SYTL4: variants seen among roughly 807,000 people sequenced by gnomAD.
The protein encoded by SYTL4 is synaptotagmin-like protein 4.
A neutral mutation model predicts 52.7 loss-of-function variants in SYTL4; 16 were observed. That is an observed-to-expected ratio of 0.30 (90% confidence interval 0.21 to 0.46). The LOEUF is 0.46. SYTL4 is among the 20% of genes least tolerant of loss of function. The pLI is 1.00. For synonymous variants in SYTL4, 160 were observed against 186.6 expected, an observed-to-expected ratio of 0.86 and a Z score of 1.16; for missense variants, 423 against 519.9, an observed-to-expected ratio of 0.81 and a Z score of 1.81.
intron 12 of SYTL4, 119 bp from the exon 13 acceptor site, chrX:100,688,562 T>TA: frequency 9.2e-5 from 43 of 466,855 alleles, no homozygotes; most frequent in Non-Finnish European, 1.2e-4. Context: ...CACACATACT[T>TA]CTTTTTTTTT....
intron 2 of SYTL4, among the ~76,000 whole-genome samples, chrX:100,726,516 T>A (rs1045485373): frequency 7.3e-5 from 8 of 108,938 alleles, no homozygotes; most frequent in African/African-American, 3.4e-5. Context: ...GATTGGTGAA[T>A]CCTCTTGTTT....
At chrX:100,679,491 C>T in intron 17 of SYTL4, 79 bp from the exon 18 acceptor site, 1 of 813,817 alleles carries the variant, frequency 1.2e-6, no homozygotes, top group East Asian at 3.2e-5. Context: ...GCAGCACTTT[C>T]TTTGCTTGCT....
At chrX:100,677,315 G>A (rs1293703604) in intron 19 of SYTL4, among the ~76,000 whole-genome samples, 1 of 111,872 alleles carries the variant, frequency 8.9e-6, no homozygotes, top group Non-Finnish European at 1.9e-5. Flanking sequence ...AGTGATACAA[G>A]ACGGATCAGA....
intron 17 of SYTL4, 135 bp from the exon 18 acceptor site, chrX:100,679,547 C>G: frequency 2.1e-6 from 1 of 476,626 alleles, no homozygotes; most frequent in Non-Finnish European, 3.7e-6. Flanking sequence ...TGTCCTGTCT[C>G]CTCAGTGCCT....
intron 8 of SYTL4, among the ~76,000 whole-genome samples, chrX:100,697,580 A>G (rs1316765358): frequency 8.9e-6 from 1 of 112,096 alleles, no homozygotes; most frequent in Non-Finnish European, 1.9e-5. Context: ...TAGGAAAACA[A>G]GTAGGTTTCA....
chrX:100,703,913 C>T (rs2083905959), intron 3 of SYTL4, among the ~76,000 whole-genome samples: 1 of 112,223 alleles, frequency 8.9e-6, no homozygotes, highest in Non-Finnish European at 1.9e-5. Flanking sequence ...AAGCCACTAT[C>T]ATTGGTTTCC....
intron 16 of SYTL4, among the ~76,000 whole-genome samples, chrX:100,682,379 T>C (rs1203259304): frequency 1.8e-5 from 2 of 109,984 alleles, no homozygotes; most frequent in African/African-American, 6.7e-5. Context: ...TTTTACAAGG[T>C]ATTTTTAAAA....
At chrX:100,676,797 T>C (rs1441903061) in intron 19 of SYTL4, among the ~76,000 whole-genome samples, 1 of 111,553 alleles carries the variant, frequency 9.0e-6, no homozygotes, top group Non-Finnish European at 1.9e-5. Context: ...CTTTTTTCTT[T>C]TAAAGCTAAA....
At chrX:100,683,665 T>C (rs1025232841) in intron 16 of SYTL4, among the ~76,000 whole-genome samples, 1 of 111,968 alleles carries the variant, frequency 8.9e-6, no homozygotes, top group South Asian at 3.7e-4. Flanking sequence ...AAACAACAAA[T>C]GTAGAAGTTA....
intron 16 of SYTL4, among the ~76,000 whole-genome samples, chrX:100,682,707 TC>T (rs1433080632): frequency 2.7e-5 from 3 of 109,412 alleles, no homozygotes; most frequent in African/African-American, 1.0e-4. Context: ...ACCCTGTCCC[TC>T]CCCCCAAAAA....
chrX:100,683,107 C>A (rs1312937785), intron 16 of SYTL4, among the ~76,000 whole-genome samples: 1 of 103,590 alleles, frequency 9.7e-6, no homozygotes, highest in African/African-American at 3.6e-5. Context: ...CTGGTGCAGA[C>A]TAGAGGTGCC....
At chrX:100,716,938 C>A (rs990089259) in intron 2 of SYTL4, among the ~76,000 whole-genome samples, 2 of 111,753 alleles carry the variant, frequency 1.8e-5, no homozygotes, top group Non-Finnish European at 3.8e-5. Context: ...GATTCAGACC[C>A]CAGCTCCCAT....
At position 100,679,352 on chromosome X, in the gene SYTL4, G is replaced by A; in HGVS notation, c.1619C>T (p.Ala540Val). The A allele has an allele frequency of 1.7e-6, 2 of 1,211,282 alleles. No homozygotes were observed. Among genetic ancestry groups the A allele is most frequent in the Non-Finnish European group, 2.2e-6 (2 of 895,203 alleles). The change falls in exon 18 of 20, where the codon GCT becomes GTT. Residue 540 changes from alanine (A) to valine (V), a missense_variant. Ala to Val is a moderately conservative substitution (Grantham distance 64). Coordinates refer to ENST00000372989, the MANE Select transcript of SYTL4 (RefSeq NM_001370165.1). ...VWIKEAKNLT[A>V]AKAGGTSDSF... ...GTCTGAAGTCCCTCCTGCTTTGGCAGCCGTCAAGTTCTTGGCTTCTTTGAT... is the reference window on the plus strand; with the variant it reads ...GTCTGAAGTCCCTCCTGCTTTGGCAACCGTCAAGTTCTTGGCTTCTTTGAT...
chrX:100,718,729 C>T (rs907946204), intron 2 of SYTL4, among the ~76,000 whole-genome samples: 3 of 111,282 alleles, frequency 2.7e-5, no homozygotes, highest in Non-Finnish European at 5.7e-5. Context: ...TGGCTCCCTA[C>T]GATCCTTTTC....
chrX:100,689,803 T>A (rs766939108), intron 12 of SYTL4, 53 bp downstream of exon 12: 1 of 865,386 alleles, frequency 1.2e-6, no homozygotes, highest in East Asian at 3.1e-5. Flanking sequence ...TAAAGCCAAC[T>A]CCAGATAAGT....
In SYTL4 at chrX:100,675,089, A is replaced by G. The variant is rs1011078742; in HGVS notation, c.*939T>C. On this transcript the variant is annotated 3_prime_UTR_variant, in exon 20 of 20. Coordinates refer to ENST00000372989, the MANE Select transcript of SYTL4 (RefSeq NM_001370165.1). ...TAGACCATGCTCTGTTTGATAACAC[A>G]CCCCAGACGCAAACACTAAGACAGA... The G allele has an allele frequency of 8.9e-6, 1 of 111,951 alleles. No homozygotes were observed. Among genetic ancestry groups the G allele is most frequent in the Non-Finnish European group, 1.9e-5 (1 of 53,209 alleles). 9.2% of individuals were successfully genotyped at this position (111,951 alleles called of 1,213,427 possible). A position where few individuals can be genotyped will look rare whatever the true frequency, so the allele number is the denominator to read the frequency against.
Position 100,691,223 on chromosome X carries a change from C to T in SYTL4, c.540-14G>A. 1 of 1,165,441 alleles carries T rather than the reference C, an allele frequency of 8.6e-7. No individual in the cohort carries two copies. Among genetic ancestry groups the T allele is most frequent in the Admixed American group, 2.2e-5 (1 of 44,885 alleles). The stretch of plus-strand genomic sequence containing the variant: ...TCAAATAGCACACTAGAATAAAAAC[C>T]AAGAGCCAATATTGAAAGGAAGCAG... On this transcript the variant is annotated splice_polypyrimidine_tract_variant and intron_variant, in intron 8 of 19. Coordinates refer to ENST00000372989, the MANE Select transcript of SYTL4 (RefSeq NM_001370165.1).
intron 2 of SYTL4, among the ~76,000 whole-genome samples, chrX:100,716,450 C>CAAAAAAAAAAAAAAAAAAAAAAAAA (rs200368843): frequency 7.8e-5 from 2 of 25,773 alleles, no homozygotes; most frequent in Non-Finnish European, 1.1e-4. Flanking sequence ...AACTCCATCT[C>CAAAAAAAAAAAAAAAAAAAAAAAAA]AAAAAAAAAA....
intron 8 of SYTL4, 48 bp from the exon 9 acceptor site, chrX:100,691,257 G>T: frequency 1.0e-6 from 1 of 980,194 alleles, no homozygotes; most frequent in Non-Finnish European, 1.4e-6. Flanking sequence ...AGGTTCTCCT[G>T]CCTCTAGTCA....
Sources: gnomAD v4.1 joint callset for allele counts (sites outside exome capture counted in the v4.1 genomes callset) on GRCh38, gnomAD v4.1.1 for gene constraint, MANE v1.5 for transcripts, NCBI Gene and HGNC (gene_info 2026-07-23, HGNC 2026-07-21) for gene names.